MAGI1: variants seen among roughly 807,000 people sequenced by gnomAD.
MAGI1 encodes membrane-associated guanylate kinase, WW and PDZ domain-containing protein 1.
In MAGI1, 58 loss-of-function variants were observed where a neutral mutation model predicts 139.9. The ratio of observed to expected loss-of-function variants is 0.41; its 90% CI spans 0.34 to 0.52. The LOEUF is 0.52. Ranked by LOEUF, MAGI1 falls within the 20% of genes least tolerant of loss-of-function variation. The pLI is 0.12. For synonymous variants in MAGI1, 812 were observed against 737.9 expected, an observed-to-expected ratio of 1.10 and a Z score of -1.63; for missense variants, 1,874 against 1,901.6, an observed-to-expected ratio of 0.99 and a Z score of 0.27.
At chr3:65,589,408 T>C (rs920438772) in intron 2 of MAGI1, among the ~76,000 whole-genome samples, 1 of 152,108 alleles carries the variant, frequency 6.6e-6, no homozygotes, top group Non-Finnish European at 1.5e-5. Context: ...ACCATGCATG[T>C]CATCTTGGAC....
chr3:65,404,348 T>C (rs141176041), intron 12 of MAGI1, among the ~76,000 whole-genome samples: 4,696 of 152,318 alleles, frequency 0.031, 100 homozygotes, highest in Non-Finnish European at 0.043. Context: ...AAGTAGTCCA[T>C]GGAATATTCC....
chr3:66,023,647 G>A (rs1276723114), intron 1 of MAGI1, among the ~76,000 whole-genome samples: 3 of 152,208 alleles, frequency 2.0e-5, no homozygotes, highest in Admixed American at 2.0e-4. Flanking sequence ...GTAAAGGTTA[G>A]GGTCCCAATT....
chr3:66,010,635 C>T (rs1427159931), intron 1 of MAGI1, among the ~76,000 whole-genome samples: 4 of 152,180 alleles, frequency 2.6e-5, no homozygotes, highest in Non-Finnish European at 4.4e-5. Flanking sequence ...GCTCTGATGT[C>T]ATTAGTAGGA....
At chr3:65,995,925 G>A (rs905819731) in intron 1 of MAGI1, among the ~76,000 whole-genome samples, 3 of 152,138 alleles carry the variant, frequency 2.0e-5, no homozygotes, top group African/African-American at 7.2e-5. Context: ...TTGAGCCCAG[G>A]AGTTTGAGGT....
At chr3:65,799,929 C>A (rs576972773) in intron 1 of MAGI1, among the ~76,000 whole-genome samples, 1 of 152,182 alleles carries the variant, frequency 6.6e-6, no homozygotes, top group African/African-American at 2.4e-5. Flanking sequence ...ATAGATAAAA[C>A]AAGCAAGCAT....
intron 2 of MAGI1, among the ~76,000 whole-genome samples, chr3:65,594,398 G>C (rs2082093897): frequency 6.6e-6 from 1 of 152,198 alleles, no homozygotes; most frequent in African/African-American, 2.4e-5. Flanking sequence ...AACAGTAGCA[G>C]AAACTTGTCA....
intron 1 of MAGI1, among the ~76,000 whole-genome samples, chr3:65,871,151 T>G (rs1369823656): frequency 1.3e-5 from 2 of 152,068 alleles, no homozygotes; most frequent in Non-Finnish European, 2.9e-5. Context: ...TTGCCCAAAC[T>G]GGTCTTGAAC....
At chr3:65,929,393 T>G (rs2062683756) in intron 1 of MAGI1, among the ~76,000 whole-genome samples, 1 of 151,302 alleles carries the variant, frequency 6.6e-6, no homozygotes, top group Non-Finnish European at 1.5e-5. Flanking sequence ...CATGCTGGAG[T>G]GCAGTGGCGC....
At chr3:65,650,419 T>C (rs918738921) in intron 1 of MAGI1, among the ~76,000 whole-genome samples, 1 of 152,134 alleles carries the variant, frequency 6.6e-6, no homozygotes. Context: ...AAACAAACTG[T>C]GGCACATCCA....
intron 1 of MAGI1, among the ~76,000 whole-genome samples, chr3:65,737,067 C>T (rs553179030): frequency 1.3e-5 from 2 of 151,952 alleles, no homozygotes; most frequent in South Asian, 2.1e-4. Flanking sequence ...TGCAGTGGCG[C>T]GATCTCGGCT....
At chr3:65,909,462 G>A (rs1342316176) in intron 1 of MAGI1, among the ~76,000 whole-genome samples, 1 of 152,180 alleles carries the variant, frequency 6.6e-6, no homozygotes, top group African/African-American at 2.4e-5. Context: ...TTGAGCCTGG[G>A]AGGTTGAAGC....
chr3:65,506,196 TG>T (rs1289457188), intron 2 of MAGI1, among the ~76,000 whole-genome samples: 1 of 152,194 alleles, frequency 6.6e-6, no homozygotes, highest in Non-Finnish European at 1.5e-5. Context: ...GTAAACATTT[TG>T]GGTCTTGGTT....
At chr3:65,641,724 C>T (rs952001298) in intron 1 of MAGI1, among the ~76,000 whole-genome samples, 3 of 152,240 alleles carry the variant, frequency 2.0e-5, no homozygotes, top group Non-Finnish European at 2.9e-5. Context: ...GAATTTAAAT[C>T]GTGTTTCTGC....
At chr3:65,833,625 T>C (rs1434440873) in intron 1 of MAGI1, among the ~76,000 whole-genome samples, 2 of 152,234 alleles carry the variant, frequency 1.3e-5, no homozygotes, top group African/African-American at 2.4e-5. Flanking sequence ...TACTATGTCA[T>C]ATAAAATAGA....
At chr3:65,916,773 A>G (rs1421268445) in intron 1 of MAGI1, among the ~76,000 whole-genome samples, 1 of 151,974 alleles carries the variant, frequency 6.6e-6, no homozygotes, top group Non-Finnish European at 1.5e-5. Flanking sequence ...TACATGTATC[A>G]TACACACACT....
At chr3:65,634,005 G>A (rs2084457846) in intron 1 of MAGI1, among the ~76,000 whole-genome samples, 1 of 152,160 alleles carries the variant, frequency 6.6e-6, no homozygotes, top group African/African-American at 2.4e-5. Flanking sequence ...AGATGACAGT[G>A]AACACTGATT....
chr3:65,611,345 T>G (rs1177252023), intron 2 of MAGI1, among the ~76,000 whole-genome samples: 2 of 143,352 alleles, frequency 1.4e-5, no homozygotes, highest in African/African-American at 5.0e-5. Flanking sequence ...ACATATACTA[T>G]ATAGAGTATA....
intron 8 of MAGI1, 136 bp downstream of exon 8, chr3:65,442,656 G>A (rs1948424306): frequency 1.7e-5 from 10 of 581,280 alleles, no homozygotes; most frequent in Middle Eastern, 2.9e-4. Flanking sequence ...ATTAATATAT[G>A]CATACATATT....
At chr3:65,975,091 T>TA (rs1006167204) in intron 1 of MAGI1, among the ~76,000 whole-genome samples, 10 of 16,430 alleles carry the variant, frequency 6.1e-4, no homozygotes, top group East Asian at 5.1e-3. Context: ...AAATAGCTAT[T>TA]TAAAAAAAAA....
Sources: gnomAD v4.1 joint callset for allele counts (sites outside exome capture counted in the v4.1 genomes callset) on GRCh38, gnomAD v4.1.1 for gene constraint, MANE v1.5 for transcripts, NCBI Gene and HGNC (gene_info 2026-07-23, HGNC 2026-07-21) for gene names.